VAMP7: variants seen among roughly 807,000 people sequenced by gnomAD.
The protein encoded by VAMP7 is vesicle associated membrane protein 7, also known as vesicle-associated membrane protein 7.
A neutral mutation model predicts 29.6 loss-of-function variants in VAMP7; 14 were observed. That is an observed-to-expected ratio of 0.47 (90% CI 0.31 to 0.74). VAMP7 has a LOEUF of 0.74. VAMP7 is among the 30% of genes least tolerant of loss of function. The pLI is 0.05. For missense variants in VAMP7, 223 were observed against 262.4 expected (o/e 0.85, Z 1.04); for synonymous variants, 95 against 88.1 (o/e 1.08, Z -0.44).
At chrX:155,883,627 A>G (rs938171870) in intron 1 of VAMP7, among the ~76,000 whole-genome samples, 18 of 151,318 alleles carry the variant, frequency 1.2e-4, no homozygotes, top group African/African-American at 3.4e-4. Flanking sequence ...TAATTCTACT[A>G]CTTTATTTGA....
Position 155,898,177 on chromosome X carries a change from C to G in VAMP7, c.270C>G (p.Tyr90Ter). The G allele has an allele frequency of 6.2e-7, 1 of 1,613,566 alleles. No homozygotes were observed. Among genetic ancestry groups the G allele is most frequent in the South Asian group, 1.1e-5 (1 of 91,036 alleles). The change falls in exon 4 of 8, where the codon TAC becomes TAG. Residue 90 changes from tyrosine (Y) to a stop codon, truncating the protein, a stop_gained. Transcript: ENST00000286448. LOFTEE classifies it high-confidence loss of function. Reference sequence around the variant, plus strand: ...TAAAGAAGAGGTTCCAGACTACTTACGGTTCAAGAGCACAGACAGCACTTC... The same window carrying G: ...TAAAGAAGAGGTTCCAGACTACTTAGGGTTCAAGAGCACAGACAGCACTTC... ...NEIKKRFQTT[Y>*]GSRAQTALPY...
chrX:155,881,769 GTC>G (rs2081922708), intron 1 of VAMP7, among the ~76,000 whole-genome samples: 1 of 152,174 alleles, frequency 6.6e-6, no homozygotes, highest in African/African-American at 2.4e-5. Flanking sequence ...GATCGCCAGA[GTC>G]TTCTAAAAAC....
At chrX:155,912,978 C>T (rs1163820932) in intron 5 of VAMP7, among the ~76,000 whole-genome samples, 1 of 152,188 alleles carries the variant, frequency 6.6e-6, no homozygotes, top group Non-Finnish European at 1.5e-5. Context: ...CTTCCACCAA[C>T]AGTGTAAAAG....
chrX:155,913,223 G>GT (rs1323426585), intron 5 of VAMP7, among the ~76,000 whole-genome samples: 2 of 151,982 alleles, frequency 1.3e-5, no homozygotes, highest in Admixed American at 6.6e-5. Context: ...TGATGGGGTT[G>GT]TTTTTTTCTT....
intron 5 of VAMP7, among the ~76,000 whole-genome samples, chrX:155,910,565 T>C (rs1440381051): frequency 6.6e-6 from 1 of 151,878 alleles, no homozygotes; most frequent in Non-Finnish European, 1.5e-5. Context: ...TAGTTTACTT[T>C]CCCACCAACA....
chrX:155,926,661 T>C (rs1172010690), intron 6 of VAMP7, among the ~76,000 whole-genome samples: 1 of 152,224 alleles, frequency 6.6e-6, no homozygotes, highest in Non-Finnish European at 1.5e-5. Flanking sequence ...CTGATTTCCT[T>C]CAAGAACTGT....
chrX:155,931,874 T>A (rs1326103479), intron 6 of VAMP7, among the ~76,000 whole-genome samples: 2 of 152,202 alleles, frequency 1.3e-5, no homozygotes, highest in Non-Finnish European at 2.9e-5. Flanking sequence ...CATCTTGAAT[T>A]AATTTTAGTA....
chrX:155,896,823 T>C (rs1335115984), intron 3 of VAMP7, among the ~76,000 whole-genome samples: 1 of 152,210 alleles, frequency 6.6e-6, no homozygotes, highest in African/African-American at 2.4e-5. Flanking sequence ...CTAATCTTTA[T>C]TGTATCACAG....
intron 5 of VAMP7, among the ~76,000 whole-genome samples, chrX:155,910,705 G>T (rs1234192502): frequency 3.3e-5 from 5 of 151,120 alleles, no homozygotes; most frequent in Admixed American, 2.0e-4. Context: ...CTATGATGTT[G>T]AGCATTTTTT....
intron 1 of VAMP7, among the ~76,000 whole-genome samples, chrX:155,889,003 G>C (rs2065897106): frequency 6.6e-6 from 1 of 151,976 alleles, no homozygotes; most frequent in African/African-American, 2.4e-5. Flanking sequence ...ATAAATATAG[G>C]CTATTTTTAT....
chrX:155,939,227 A>G (rs1270815518), intron 6 of VAMP7, among the ~76,000 whole-genome samples: 3 of 152,180 alleles, frequency 2.0e-5, no homozygotes, highest in Admixed American at 2.0e-4. Context: ...AAGAAAATGG[A>G]TAGCAGAAGG....
chrX:155,900,468 A>G, intron 4 of VAMP7, 29 bp from the exon 5 acceptor site: 1 of 1,543,084 alleles, frequency 6.5e-7, no homozygotes, highest in Non-Finnish European at 8.8e-7. Context: ...ATGTCTAGGT[A>G]CCATAAGTTA....
At chrX:155,933,447 A>C (rs770807511) in intron 6 of VAMP7, among the ~76,000 whole-genome samples, 1 of 151,938 alleles carries the variant, frequency 6.6e-6, no homozygotes, top group African/African-American at 2.4e-5. Flanking sequence ...TGTATGTGTC[A>C]AGGAATTTAT....
chrX:155,939,631 C>A, intron 6 of VAMP7, 70 bp from the exon 7 acceptor site: 1 of 1,096,226 alleles, frequency 9.1e-7, no homozygotes, highest in South Asian at 1.3e-5. Context: ...GTAAAATGTT[C>A]TCAGGTTGTT....
At chrX:155,928,259 G>C (rs1263494572) in intron 6 of VAMP7, among the ~76,000 whole-genome samples, 1 of 151,974 alleles carries the variant, frequency 6.6e-6, no homozygotes, top group African/African-American at 2.4e-5. Flanking sequence ...TTTTATATTT[G>C]GTTTTCAACT....
At chrX:155,919,988 T>C (rs2066372555) in intron 6 of VAMP7, 108 bp downstream of exon 6, 2 of 930,006 alleles carry the variant, frequency 2.2e-6, no homozygotes, top group Admixed American at 2.5e-5. Flanking sequence ...GGTGGTTTTT[T>C]TTTCTTTCTC....
chrX:155,897,886 C>T (rs1012286715), intron 3 of VAMP7, among the ~76,000 whole-genome samples: 1 of 152,084 alleles, frequency 6.6e-6, no homozygotes, highest in Non-Finnish European at 1.5e-5. Flanking sequence ...CCAGATATAT[C>T]TGGATTCATT....
At chrX:155,919,974 A>AT in intron 6 of VAMP7, 94 bp downstream of exon 6, 1 of 1,053,388 alleles carries the variant, frequency 9.5e-7, no homozygotes, top group East Asian at 2.4e-5. Context: ...AAATTCAAAT[A>AT]TTTGGTGGTT....
At chrX:155,885,679 T>G (rs1295953475) in intron 1 of VAMP7, among the ~76,000 whole-genome samples, 1 of 152,068 alleles carries the variant, frequency 6.6e-6, no homozygotes, top group Non-Finnish European at 1.5e-5. Flanking sequence ...ACAGAGAGAA[T>G]GCAGTGTGAA....
Sources: allele counts gnomAD v4.1 joint callset (sites outside exome capture counted in the v4.1 genomes callset), GRCh38; gene constraint gnomAD v4.1.1; transcripts MANE v1.5; gene names NCBI Gene and HGNC (gene_info 2026-07-23, HGNC 2026-07-21).